Variants in PKHD1 observed in about 807,000 individuals in gnomAD.
PKHD1 encodes PKHD1 ciliary IPT domain containing fibrocystin/polyductin.
In PKHD1, 291 loss-of-function variants were observed where a neutral mutation model predicts 412.0. That is an observed-to-expected ratio of 0.71 (90% CI 0.64 to 0.78). The LOEUF (loss-of-function observed/expected upper bound fraction) is 0.78, where lower values mean the gene tolerates loss of function less well. Among genes scored for constraint, PKHD1 ranks in the 30% least tolerant of loss-of-function variants. The pLI, the probability that PKHD1 is intolerant of heterozygous loss-of-function variation, is 0.00. For missense variants in PKHD1, 4,825 were observed against 4,950.7 expected, an observed-to-expected ratio of 0.97 and a Z score of 0.76; for synonymous variants, 1,777 against 1,821.5, an observed-to-expected ratio of 0.98 and a Z score of 0.62.
At chr6:51,680,744 T>G (rs563818900) in intron 60 of PKHD1, among the ~76,000 whole-genome samples, 1 of 152,178 alleles carries the variant, frequency 6.6e-6, no homozygotes, top group African/African-American at 2.4e-5. Flanking sequence ...TCCACTTGAA[T>G]ATACATTTCT....
At chr6:52,035,184 AT>A (rs1451541707) in intron 28 of PKHD1, among the ~76,000 whole-genome samples, 3 of 152,244 alleles carry the variant, frequency 2.0e-5, no homozygotes, top group Non-Finnish European at 4.4e-5. Flanking sequence ...AAGTTCTACA[AT>A]TAATACCCAT....
intron 53 of PKHD1, among the ~76,000 whole-genome samples, chr6:51,778,327 G>A (rs754383597): frequency 6.6e-5 from 10 of 152,100 alleles, no homozygotes; most frequent in Non-Finnish European, 1.3e-4. Context: ...AATTGTCATT[G>A]TGCTGCAAAG....
chr6:52,027,194 G>C (rs1031239261), intron 31 of PKHD1, among the ~76,000 whole-genome samples: 1 of 152,114 alleles, frequency 6.6e-6, no homozygotes, highest in African/African-American at 2.4e-5. Context: ...ATCCACTCTA[G>C]AGTGTCACCC....
chr6:51,889,290 C>A (rs1778735248), intron 43 of PKHD1, among the ~76,000 whole-genome samples: 1 of 152,158 alleles, frequency 6.6e-6, no homozygotes, highest in African/African-American at 2.4e-5. Context: ...AGGACCATGA[C>A]ACTGTGCCAC....
intron 37 of PKHD1, among the ~76,000 whole-genome samples, chr6:51,932,588 T>C (rs1786807219): frequency 6.6e-6 from 1 of 152,188 alleles, no homozygotes; most frequent in African/African-American, 2.4e-5. Flanking sequence ...AGAGCAAACA[T>C]TTGAAAACCA....
rs144700673 is a variant in PKHD1, at chr6:51,866,072, C to T, written c.7733+1791G>A. ...GCTGCTGCTGCTGCTGGTCCATGGA[C>T]AACATTTTGAGCAGCAAGACCTTAG... On this transcript the variant is annotated intron_variant, in intron 48 of 66. Coordinates refer to ENST00000371117, the MANE Select transcript of PKHD1 (RefSeq NM_138694.4). 2.6e-4 allele frequency among the ~76,000 whole-genome samples: 40 copies of T among 152,124 alleles called. No individual in the cohort carries two copies. The East Asian group carries it at 6.4e-3, about 24-fold the overall frequency.
intron 41 of PKHD1, among the ~76,000 whole-genome samples, chr6:51,904,462 T>C (rs1251038947): frequency 2.0e-5 from 3 of 151,972 alleles, no homozygotes; most frequent in Admixed American, 2.0e-4. Context: ...ACCACTGAGG[T>C]TGGAATAGAA....
At chr6:51,792,095 T>C (rs1359430343) in intron 52 of PKHD1, among the ~76,000 whole-genome samples, 2 of 152,194 alleles carry the variant, frequency 1.3e-5, no homozygotes, top group Non-Finnish European at 2.9e-5. Flanking sequence ...AAAATCATTA[T>C]ATTTTATTTC....
intron 37 of PKHD1, among the ~76,000 whole-genome samples, chr6:51,922,119 G>A (rs976275783): frequency 6.6e-6 from 1 of 152,150 alleles, no homozygotes; most frequent in Non-Finnish European, 1.5e-5. Context: ...GTTTTGGTGT[G>A]GATGTCTTTT....
intron 60 of PKHD1, among the ~76,000 whole-genome samples, chr6:51,731,610 C>T (rs1783245684): frequency 6.6e-6 from 1 of 152,136 alleles, no homozygotes; most frequent in African/African-American, 2.4e-5. Context: ...TTCTGTGATT[C>T]ATTTCTAATC....
intron 59 of PKHD1, among the ~76,000 whole-genome samples, chr6:51,745,675 A>G (rs913171874): frequency 6.6e-6 from 1 of 152,144 alleles, no homozygotes; most frequent in Non-Finnish European, 1.5e-5. Context: ...CTGCACTTCA[A>G]CCTGGGTGAC....
intron 60 of PKHD1, among the ~76,000 whole-genome samples, chr6:51,684,069 G>T (rs891013722): frequency 6.6e-6 from 1 of 152,084 alleles, no homozygotes; most frequent in African/African-American, 2.4e-5. Context: ...TATGTACCAT[G>T]TTCCAGCTAT....
intron 46 of PKHD1, among the ~76,000 whole-genome samples, chr6:51,873,704 T>C (rs1019654498): frequency 3.3e-5 from 5 of 152,228 alleles, no homozygotes; most frequent in Non-Finnish European, 5.9e-5. Flanking sequence ...GCATTACTTA[T>C]GTAAAGTTTA....
intron 61 of PKHD1, among the ~76,000 whole-genome samples, chr6:51,650,963 A>G (rs1178010905): frequency 6.6e-6 from 1 of 152,146 alleles, no homozygotes; most frequent in Non-Finnish European, 1.5e-5. Context: ...TAATGTTGTT[A>G]TCAGATCCTA....
At chr6:51,654,297 G>A (rs1022737309) in intron 61 of PKHD1, among the ~76,000 whole-genome samples, 3 of 152,044 alleles carry the variant, frequency 2.0e-5, no homozygotes, top group Admixed American at 1.3e-4. Flanking sequence ...TGATTTATTT[G>A]TAATAGATAC....
At chr6:51,639,519 T>C (rs1349695847) in intron 63 of PKHD1, among the ~76,000 whole-genome samples, 2 of 152,078 alleles carry the variant, frequency 1.3e-5, no homozygotes, top group African/African-American at 4.8e-5. Context: ...AAATAATGAC[T>C]GATAGAGCTA....
At chr6:51,943,175 G>C (rs1206082656) in intron 36 of PKHD1, among the ~76,000 whole-genome samples, 1 of 151,278 alleles carries the variant, frequency 6.6e-6, no homozygotes. Context: ...TTCGTATTCA[G>C]TGAACTAATA....
chr6:51,885,054 T>C (rs1050633352), intron 45 of PKHD1, among the ~76,000 whole-genome samples: 9 of 152,248 alleles, frequency 5.9e-5, no homozygotes, highest in Admixed American at 3.9e-4. Flanking sequence ...CATTATTATA[T>C]GTTTGTATTC....
Position 52,025,876 on chromosome 6 carries a change from T to C in PKHD1, c.3934A>G (p.Asn1312Asp). Residue 1312 changes from asparagine to aspartate, a missense_variant, in exon 32 of 67, where the codon AAT becomes GAT. Asn to Asp is a conservative substitution (Grantham distance 23, BLOSUM62 1). Coordinates refer to ENST00000371117, the MANE Select transcript of PKHD1 (RefSeq NM_138694.4). ...CCCACATGCAGGCTCAGGCTGCTAT[T>C]TGTGATTTCTCCTTGCATGGCAGTG... is the stretch of plus-strand genomic sequence containing the variant. Reference protein sequence around the residue: ...VVTAMQGEITNSSLSLHVGGS... With the variant: ...VVTAMQGEITDSSLSLHVGGS... 6.2e-7 allele frequency: 1 copy of C among 1,614,162 alleles called. No homozygotes were observed. The highest frequency in any genetic ancestry group is 8.5e-7 in the Non-Finnish European group (1 of 1,180,044).
Sources: gnomAD v4.1 joint callset for allele counts (sites outside exome capture counted in the v4.1 genomes callset) on GRCh38, gnomAD v4.1.1 for gene constraint, MANE v1.5 for transcripts, NCBI Gene and HGNC (gene_info 2026-07-23, HGNC 2026-07-21) for gene names.